The following CPA5 variants were observed in gnomAD, a reference collection of about 807,000 sequenced individuals.
CPA5 encodes testicular tissue protein Li 32.
A neutral mutation model predicts 52.2 loss-of-function variants in CPA5; 38 were observed. That is an observed-to-expected ratio of 0.73 (90% CI 0.56 to 0.95). CPA5 has a LOEUF of 0.95. Ranked by LOEUF, CPA5 falls within the 40% of genes least tolerant of loss-of-function variation. The probability of loss-of-function intolerance (pLI) is 0.00; values close to 1 mark genes in which losing one functional copy is unlikely to be tolerated. For missense variants in CPA5, 519 were observed against 566.7 expected (o/e 0.92, Z 0.86); for synonymous variants, 198 against 213.7 (o/e 0.93, Z 0.64).
At chr7:130,346,068 C>T (rs1409128061) in intron 2 of CPA5, among the ~76,000 whole-genome samples, 172 bp downstream of exon 2, 3 of 152,124 alleles carry the variant, frequency 2.0e-5, no homozygotes, top group Non-Finnish European at 4.4e-5. Flanking sequence ...GGATATGGCC[C>T]AGGGAAAGCA....
intron 7 of CPA5, among the ~76,000 whole-genome samples, chr7:130,362,190 C>T (rs1308807905): frequency 2.6e-5 from 4 of 152,226 alleles, no homozygotes; most frequent in Non-Finnish European, 4.4e-5. Flanking sequence ...AAGATACTTT[C>T]AATCCTGGGA....
chr7:130,346,883 C>T lies in CPA5; in HGVS notation c.116+282C>T, dbSNP rs561800531. On this transcript the variant is annotated intron_variant, in intron 3 of 12. Coordinates refer to ENST00000474905, the MANE Select transcript of CPA5 (RefSeq NM_080385.5). Reference sequence around the variant, plus strand: ...AACCACATGCAACAGTTTTCCTATACAACAGGGGCTTCTTCGGGGAGGATG... The same window carrying T: ...AACCACATGCAACAGTTTTCCTATATAACAGGGGCTTCTTCGGGGAGGATG... Among the ~76,000 whole-genome samples, 15 of 152,264 alleles carry T rather than the reference C, an allele frequency of 9.9e-5. No individual in the cohort carries two copies. In the East Asian group the frequency reaches 2.7e-3, roughly 27 times the overall value.
At position 130,362,521 on chromosome 7, in the gene CPA5, C is replaced by T. The variant is rs782538344; in HGVS notation, c.618C>T (p.Gly206=). 6 of 1,613,018 alleles carry T rather than the reference C, an allele frequency of 3.7e-6. No homozygotes were observed. The East Asian group carries it at 8.9e-5, about 24-fold the overall frequency. The change falls in exon 8 of 13, where the codon GGC becomes GGT. Residue 206 remains glycine (G), a synonymous_variant. Coordinates refer to ENST00000474905, the MANE Select transcript of CPA5 (RefSeq NM_080385.5). The part of the protein sequence containing the change: ...HSREWITHAT[G]IWTANKIVSD... Reference sequence around the variant, plus strand: ...GGGAGTGGATCACCCATGCCACCGGCATCTGGACTGCCAATAAGGTCAGCA... The same window carrying T: ...GGGAGTGGATCACCCATGCCACCGGTATCTGGACTGCCAATAAGGTCAGCA...
chr7:130,369,706 A>G (rs968360902), downstream of CPA5, among the ~76,000 whole-genome samples: 21 of 152,138 alleles, frequency 1.4e-4, no homozygotes, highest in Middle Eastern at 3.4e-3. Context: ...TGTGTGTAAA[A>G]CTGGATGGCC....
intron 6 of CPA5, 23 bp downstream of exon 6, chr7:130,359,710 T>C: frequency 6.5e-7 from 1 of 1,528,094 alleles, no homozygotes; most frequent in South Asian, 1.2e-5. Context: ...GGGCAAGCTC[T>C]GGGCTCTCTT....
At position 130,363,431 on chromosome 7, in the gene CPA5, C is replaced by A. The variant is rs145823684; in HGVS notation, c.760C>A (p.Arg254=). 6.4e-5 allele frequency: 101 copies of A among 1,571,672 alleles called. No individual in the cohort carries two copies. Among genetic ancestry groups the A allele is most frequent in the Non-Finnish European group, 8.1e-5 (94 of 1,157,502 alleles). The change falls in exon 10 of 13, where the codon CGG becomes AGG. Residue 254 remains arginine (R), a synonymous_variant. Transcript: ENST00000474905. ...AFTHSMNRLW[R]KNKSIRPGIF... ...TGGGCTTTCCCAGAACCGCTTATGG[C>A]GGAAGAACAAGTCCATCAGACCTGG...
At chr7:130,373,489 C>G (rs1217914651), downstream of CPA5, among the ~76,000 whole-genome samples, 2 of 152,188 alleles carry the variant, frequency 1.3e-5, no homozygotes, top group South Asian at 2.1e-4. Flanking sequence ...AAAAAACAAA[C>G]CAGGCAGGCA....
chr7:130,371,036 A>G (rs1554409880), downstream of CPA5, among the ~76,000 whole-genome samples: 1 of 152,152 alleles, frequency 6.6e-6, no homozygotes, highest in African/African-American at 2.4e-5. Context: ...GCCCTAGCCT[A>G]AAGCAGTGTG....
chr7:130,358,433 C>G (rs1795614533), intron 5 of CPA5, among the ~76,000 whole-genome samples: 1 of 152,160 alleles, frequency 6.6e-6, no homozygotes, highest in Non-Finnish European at 1.5e-5. Context: ...CTTTACCACT[C>G]CAATCTGCTT....
downstream of CPA5, among the ~76,000 whole-genome samples, chr7:130,369,035 A>G (rs1796253971): frequency 1.3e-5 from 2 of 152,338 alleles, no homozygotes; most frequent in South Asian, 4.1e-4. Flanking sequence ...CTTGAGGGAA[A>G]GGTTGGCCCA....
downstream of CPA5, among the ~76,000 whole-genome samples, chr7:130,371,932 C>A (rs1353459577): frequency 2.0e-5 from 3 of 152,172 alleles, no homozygotes; most frequent in Non-Finnish European, 4.4e-5. Flanking sequence ...TGTGCCAGGA[C>A]CTCTTGCCTC....
downstream of CPA5, among the ~76,000 whole-genome samples, chr7:130,373,232 T>G (rs1182903160): frequency 2.6e-5 from 4 of 151,982 alleles, no homozygotes; most frequent in Non-Finnish European, 5.9e-5. Context: ...CCCCATTTTC[T>G]GAAGTATATA....
At chr7:130,368,331 C>T (rs1416557879) in intron 12 of CPA5, 79 bp from the exon 13 acceptor site, 1 of 1,432,976 alleles carries the variant, frequency 7.0e-7, no homozygotes. Context: ...GCTCACTTTC[C>T]ACCCAGGATG....
At chr7:130,362,779 G>A in intron 8 of CPA5, 105 bp from the exon 9 acceptor site, 1 of 715,566 alleles carries the variant, frequency 1.4e-6, no homozygotes, top group Middle Eastern at 2.4e-4. Context: ...ATACCTCAGG[G>A]GTTTCATGCC....
At chr7:130,357,019 T>A (rs1396131071) in intron 5 of CPA5, among the ~76,000 whole-genome samples, 1 of 152,190 alleles carries the variant, frequency 6.6e-6, no homozygotes, top group Non-Finnish European at 1.5e-5. Context: ...CCAGAAGTGT[T>A]TGTGAAGGGC....
chr7:130,346,421 G>A lies in CPA5; in HGVS notation c.-65G>A. On this transcript the variant is annotated 5_prime_UTR_variant, in exon 3 of 13. Coordinates refer to ENST00000474905, the MANE Select transcript of CPA5 (RefSeq NM_080385.5). ...GGGCTTTCCAGCCTCTAGGTGCTGT[G>A]CTGTCCTGAGGCCTGGGCCATGGTG... 8.2e-7 allele frequency: 1 copy of A among 1,215,636 alleles called. No homozygotes were observed. Among genetic ancestry groups the A allele is most frequent in the Non-Finnish European group, 1.2e-6 (1 of 837,784 alleles). The allele number at this position is 1,215,636 out of a possible 1,614,324, so 75.3% of individuals were successfully genotyped here. A position where few individuals can be genotyped will look rare whatever the true frequency, so the allele number is the denominator to read the frequency against.
At chr7:130,355,396 G>GGTGTGTGTGTGT (rs147556341) in intron 5 of CPA5, among the ~76,000 whole-genome samples, 3 of 149,268 alleles carry the variant, frequency 2.0e-5, no homozygotes, top group Admixed American at 6.7e-5. Context: ...TGAGAACATT[G>GGTGTGTGTGTGT]GTGTGTGTGT....
the CPA5 span, among the ~76,000 whole-genome samples, chr7:130,374,191 C>G: frequency 7.2e-5 from 11 of 152,210 alleles, no homozygotes; most frequent in African/African-American, 2.7e-4. Flanking sequence ...CAGACTTCTC[C>G]TGCCCTGTCC....
At chr7:130,354,865 G>C (rs1554404836) in intron 5 of CPA5, among the ~76,000 whole-genome samples, 1 of 152,202 alleles carries the variant, frequency 6.6e-6, no homozygotes, top group Admixed American at 6.5e-5. Context: ...GAATGGCTGG[G>C]ACTGCAGGCG....
Sources: allele counts gnomAD v4.1 joint callset (sites outside exome capture counted in the v4.1 genomes callset), GRCh38; gene constraint gnomAD v4.1.1; transcripts MANE v1.5; gene names NCBI Gene and HGNC (gene_info 2026-07-23, HGNC 2026-07-21).